PAK2: variants seen among roughly 807,000 people sequenced by gnomAD.
The protein encoded by PAK2 is serine/threonine-protein kinase PAK 2.
PAK2 carries 21 observed loss-of-function variants against 65.9 expected under a neutral mutation model. The ratio of observed to expected loss-of-function variants is 0.32; its 90% CI spans 0.23 to 0.46. PAK2 has a LOEUF of 0.46. Among genes scored for constraint, PAK2 ranks in the 20% least tolerant of loss-of-function variants. The pLI, the probability that PAK2 is intolerant of heterozygous loss-of-function variation, is 1.00. For synonymous variants in PAK2, 204 were observed against 219.7 expected (o/e 0.93, Z 0.63); for missense variants, 324 against 642.6 (o/e 0.50, Z 5.36).
At chr3:196,802,107 T>A in intron 3 of PAK2, 80 bp downstream of exon 3, 1 of 843,714 alleles carries the variant, frequency 1.2e-6, no homozygotes, top group Non-Finnish European at 2.0e-6. Context: ...AATTTGAAAT[T>A]AACATTTCAG....
chr3:196,749,767 T>C (rs985762254), intron 1 of PAK2, among the ~76,000 whole-genome samples: 26 of 152,172 alleles, frequency 1.7e-4, no homozygotes, highest in African/African-American at 6.0e-4. Context: ...TTCCAGCATG[T>C]CATGTTATCA....
chr3:196,785,982 C>G (rs1302791860), intron 2 of PAK2, among the ~76,000 whole-genome samples: 3 of 152,070 alleles, frequency 2.0e-5, no homozygotes, highest in Admixed American at 1.3e-4. Flanking sequence ...CATTTTTCTA[C>G]TTGGTGGTTA....
At chr3:196,742,217 T>A (rs1361328002) in intron 1 of PAK2, among the ~76,000 whole-genome samples, 2 of 150,424 alleles carry the variant, frequency 1.3e-5, no homozygotes, top group East Asian at 3.9e-4. Flanking sequence ...GCCTGCTGAG[T>A]AGCTGGGATT....
rs1491355452 is a variant in PAK2, at chr3:196,751,698, T to TA, written c.-22+11541_-22+11542insA. Among the ~76,000 whole-genome samples the TA allele has an allele frequency of 6.0e-3, 581 of 96,472 alleles. 18 individuals carry two copies. The highest frequency in any genetic ancestry group is 6.8e-3 in the Non-Finnish European group (317 of 46,856). 63.3% of individuals were successfully genotyped at this position (96,472 alleles called of 152,430 possible). A position where few individuals can be genotyped will look rare whatever the true frequency, so the allele number is the denominator to read the frequency against. ...ACATATATATATATATATATATAAT[T>TA]CAGGCTATATATAAAAGGCATTTAT... is the stretch of plus-strand genomic sequence containing the variant. On this transcript the variant is annotated intron_variant, in intron 1 of 14. Coordinates refer to ENST00000327134, the MANE Select transcript of PAK2 (RefSeq NM_002577.4).
intron 1 of PAK2, among the ~76,000 whole-genome samples, chr3:196,762,190 G>A (rs879364509): frequency 0.017 from 1,735 of 101,112 alleles, 294 homozygotes; most frequent in Admixed American, 0.11. Flanking sequence ...GTGGCCGGGC[G>A]CAGACGCTCC....
In PAK2 at chr3:196,785,960, A is replaced by G. The variant is rs974213148; in HGVS notation, c.187+3127A>G. ...GTGGGGACACAGCCAAACCATATCA[A>G]GGTCTTTAATCCATTTTTCTACTTG... On this transcript the variant is annotated intron_variant, in intron 2 of 14. Coordinates refer to ENST00000327134, the MANE Select transcript of PAK2 (RefSeq NM_002577.4). Among the ~76,000 whole-genome samples, 59 of 152,200 alleles carry G rather than the reference A, an allele frequency of 3.9e-4. 1 individual carries two copies. The highest frequency in any genetic ancestry group is 1.4e-3 in the African/African-American group (58 of 41,448).
intron 11 of PAK2, among the ~76,000 whole-genome samples, chr3:196,815,142 T>G (rs1231410734): frequency 6.6e-6 from 1 of 150,512 alleles, no homozygotes; most frequent in Non-Finnish European, 1.5e-5. Flanking sequence ...ATCACACCAC[T>G]GCACTCCAGC....
intron 3 of PAK2, 39 bp from the exon 4 acceptor site, chr3:196,802,978 A>T (rs770128324): frequency 8.4e-6 from 12 of 1,423,008 alleles, no homozygotes; most frequent in Non-Finnish European, 9.4e-6. Flanking sequence ...TATTGCATCA[A>T]TTTAAACCAT....
intron 2 of PAK2, among the ~76,000 whole-genome samples, chr3:196,786,666 A>G (rs1376059580): frequency 6.6e-6 from 1 of 152,024 alleles, no homozygotes; most frequent in Non-Finnish European, 1.5e-5. Context: ...TCCCAGACCC[A>G]TTTATTGAGT....
At chr3:196,816,924 T>C (rs1029294815) in intron 11 of PAK2, among the ~76,000 whole-genome samples, 1 of 152,138 alleles carries the variant, frequency 6.6e-6, no homozygotes, top group Non-Finnish European at 1.5e-5. Flanking sequence ...TACAGCTTAA[T>C]ATAAAATCGG....
intron 2 of PAK2, among the ~76,000 whole-genome samples, chr3:196,789,428 C>T (rs888041018): frequency 1.1e-4 from 16 of 151,960 alleles, no homozygotes; most frequent in Admixed American, 4.6e-4. Context: ...GGAGTGGTCC[C>T]CAACCTTTTT....
intron 1 of PAK2, among the ~76,000 whole-genome samples, chr3:196,774,598 T>G (rs1203375010): frequency 6.6e-6 from 1 of 152,178 alleles, no homozygotes; most frequent in Non-Finnish European, 1.5e-5. Context: ...CTTTGGTGTA[T>G]TTGAGGAATA....
chr3:196,767,439 T>C (rs1433139015), intron 1 of PAK2, among the ~76,000 whole-genome samples: 1 of 152,058 alleles, frequency 6.6e-6, no homozygotes, highest in Non-Finnish European at 1.5e-5. Context: ...CTGACTATAA[T>C]AGAAAAAAAG....
chr3:196,823,800 A>G (rs1436238856), intron 13 of PAK2, among the ~76,000 whole-genome samples: 1 of 147,188 alleles, frequency 6.8e-6, no homozygotes, highest in Non-Finnish European at 1.5e-5. Flanking sequence ...CGACAGGGAG[A>G]GATTCTGTCG....
At chr3:196,776,970 A>C (rs1211528861) in intron 1 of PAK2, among the ~76,000 whole-genome samples, 2 of 152,156 alleles carry the variant, frequency 1.3e-5, no homozygotes, top group East Asian at 3.8e-4. Flanking sequence ...TTTTTTCGTA[A>C]ATTTCAGCTA....
chr3:196,742,748 A>G (rs1244711830), intron 1 of PAK2, among the ~76,000 whole-genome samples: 1 of 152,078 alleles, frequency 6.6e-6, no homozygotes, highest in East Asian at 1.9e-4. Context: ...CCCCGTCTCT[A>G]CTAAAAATAC....
chr3:196,751,194 C>A (rs1037546562), intron 1 of PAK2, among the ~76,000 whole-genome samples: 6 of 152,086 alleles, frequency 3.9e-5, no homozygotes, highest in African/African-American at 1.4e-4. Flanking sequence ...CAGGGTTTAT[C>A]CATTTTGTAG....
At position 196,803,258 on chromosome 3, in the gene PAK2, G is replaced by A. The variant is rs1577732868; in HGVS notation, c.436+94G>A. 3.0e-6 allele frequency: 3 copies of A among 1,008,424 alleles called. No homozygotes were observed. The East Asian group carries it at 7.8e-5, about 26-fold the overall frequency. 62.5% of individuals were successfully genotyped at this position (1,008,424 alleles called of 1,614,324 possible). ...CTGGAAAAATGAAAAGCTAAACTAT[G>A]GTTCTTGTTGATAACGGTTTTTCCC... On this transcript the variant is annotated intron_variant, in intron 4 of 14. Coordinates refer to ENST00000327134, the MANE Select transcript of PAK2 (RefSeq NM_002577.4).
At chr3:196,817,281 C>T (rs1387220893) in intron 11 of PAK2, among the ~76,000 whole-genome samples, 1 of 150,440 alleles carries the variant, frequency 6.6e-6, no homozygotes, top group Non-Finnish European at 1.5e-5. Flanking sequence ...TCTCCTGCCT[C>T]AGCCACCCAA....
Sources: gnomAD v4.1 joint callset for allele counts (sites outside exome capture counted in the v4.1 genomes callset) on GRCh38, gnomAD v4.1.1 for gene constraint, MANE v1.5 for transcripts, NCBI Gene and HGNC (gene_info 2026-07-23, HGNC 2026-07-21) for gene names.